The following MLH3 variants were observed in gnomAD, a reference collection of about 807,000 sequenced individuals.
MLH3 encodes mutL homolog 3, also known as DNA mismatch repair protein Mlh3.
Under a neutral mutation model 122.2 loss-of-function variants are expected in MLH3, and 82 were observed. The ratio of observed to expected loss-of-function variants is 0.67; its 90% confidence interval spans 0.56 to 0.81. MLH3 has a LOEUF of 0.81. Ranked by LOEUF, MLH3 falls within the 30% of genes least tolerant of loss-of-function variation. The probability of loss-of-function intolerance (pLI) is 0.00; values close to 1 mark genes in which losing one functional copy is unlikely to be tolerated. For synonymous variants in MLH3, 524 were observed against 599.5 expected (o/e 0.87, Z 1.84); for missense variants, 1,539 against 1,714.5 (o/e 0.90, Z 1.81).
Position 75,047,914 on chromosome 14 carries a change from T to G in MLH3, c.1742A>C (p.Lys581Thr). 6.2e-7 allele frequency: 1 copy of G among 1,613,842 alleles called. No individual in the cohort carries two copies. Among genetic ancestry groups the G allele is most frequent in the Non-Finnish European group, 8.5e-7 (1 of 1,179,956 alleles). Reference protein sequence around the residue: ...LWGVHSAQTEKEKKKESSNCG... With the variant: ...LWGVHSAQTETEKKKESSNCG... Reference sequence around the variant, plus strand: ...ATTGCTAGATTCTTTTTTTTTCTCTTTCTCTGTCTGAGCACTATGTACTCC... The same window carrying G: ...ATTGCTAGATTCTTTTTTTTTCTCTGTCTCTGTCTGAGCACTATGTACTCC... Residue 581 changes from lysine (K) to threonine (T), a missense_variant, in exon 2 of 13, where the codon AAA becomes ACA. By Grantham distance (78) the Lys-to-Thr change is moderately conservative. Coordinates refer to ENST00000355774, the MANE Select transcript of MLH3 (RefSeq NM_001040108.2).
At chr14:75,030,723 G>C (rs1470368064) in intron 8 of MLH3, 21 bp from the exon 9 acceptor site, 3 of 1,584,772 alleles carry the variant, frequency 1.9e-6, no homozygotes, top group Non-Finnish European at 2.6e-6. Flanking sequence ...AACCTCAAAT[G>C]TTAAAAAAAA....
chr14:75,027,853 G>A (rs1279502004), intron 9 of MLH3, among the ~76,000 whole-genome samples: 1 of 151,910 alleles, frequency 6.6e-6, no homozygotes, highest in Non-Finnish European at 1.5e-5. Flanking sequence ...CAACATGGAA[G>A]ATGGGAGGAG....
Position 75,042,375 on chromosome 14 carries a change from T to G in MLH3, c.3379+4A>C, listed in dbSNP as rs1309915500. The G allele has an allele frequency of 1.2e-6, 2 of 1,613,380 alleles. No homozygotes were observed. The highest frequency in any genetic ancestry group is 1.7e-6 in the Non-Finnish European group (2 of 1,179,298). The stretch of plus-strand genomic sequence containing the variant: ...TGTGCCCCAGCACTCTCTGCCACCC[T>G]TACCTCTGTTATCCTGTCTCATCAC... On this transcript the variant is annotated splice_donor_region_variant and intron_variant, in intron 3 of 12. Transcript: ENST00000355774.
rs146544668 is a variant in MLH3, at chr14:75,021,124, G to A, written c.4090+1690C>T. Among the ~76,000 whole-genome samples the A allele has an allele frequency of 8.2e-3, 1,253 of 152,324 alleles. 22 individuals are homozygous for A. The highest frequency in any genetic ancestry group is 0.028 in the African/African-American group (1,149 of 41,568). ...ACTCCTGACCTCAGGTGATCCATCC[G>A]CCTTGGTCTCCCAAAGTGCTGGGAT... On this transcript the variant is annotated intron_variant, in intron 11 of 12. Transcript: ENST00000355774.
In MLH3 at chr14:75,042,849, T is replaced by C. The variant is rs542367489; in HGVS notation, c.3281-372A>G. Among the ~76,000 whole-genome samples the C allele has an allele frequency of 5.3e-5, 8 of 151,956 alleles. No homozygotes were observed. The South Asian group carries it at 1.5e-3, about 28-fold the overall frequency. On this transcript the variant is annotated intron_variant, in intron 2 of 12. Coordinates refer to ENST00000355774, the MANE Select transcript of MLH3 (RefSeq NM_001040108.2). ...GGAGTACAGTGGCGTGATCTCGGCT[T>C]ACTGCAACTTCCGCCTCCCGGGTTC...
Position 75,048,069 on chromosome 14 carries a change from T to C in MLH3, c.1587A>G (p.Lys529=). The change falls in exon 2 of 13, where the codon AAA becomes AAG. Residue 529 remains lysine (K), a synonymous_variant. Coordinates refer to ENST00000355774, the MANE Select transcript of MLH3 (RefSeq NM_001040108.2). ...CCATGCCATTAACAGTAGTACTTTC[T>C]TTCCATATTTCTAGATCCTGCCCAC... ...EESGQDLEIW[K]ESTTVNGMAA... is the part of the protein sequence containing the mutation. The C allele has an allele frequency of 1.2e-6, 2 of 1,614,106 alleles. No individual in the cohort carries two copies. The highest frequency in any genetic ancestry group is 1.7e-6 in the Non-Finnish European group (2 of 1,180,004).
intron 6 of MLH3, chr14:75,036,709 C>T: frequency 2.2e-6 from 1 of 456,116 alleles, no homozygotes; most frequent in Non-Finnish European, 4.4e-6. Context: ...TCTGCTCTGC[C>T]TGCAACACGG....
intron 12 of MLH3, 136 bp from the exon 13 acceptor site, chr14:75,017,337 G>C: frequency 1.2e-6 from 1 of 823,334 alleles, no homozygotes; most frequent in South Asian, 1.4e-5. Context: ...AGGAGTTTGA[G>C]ACCAGCCTGG....
intron 2 of MLH3, among the ~76,000 whole-genome samples, chr14:75,042,939 C>T (rs28891997): frequency 0.018 from 2,702 of 152,236 alleles, 89 homozygotes; most frequent in African/African-American, 0.063. Context: ...CCACACCCGG[C>T]TAATTTTTTT....
At chr14:75,035,350 C>T (rs150556010) in intron 6 of MLH3, among the ~76,000 whole-genome samples, 11 of 151,798 alleles carry the variant, frequency 7.2e-5, no homozygotes, top group South Asian at 4.2e-4. Flanking sequence ...GGAGAAACCC[C>T]GTCTCTACTA....
intron 3 of MLH3, 140 bp downstream of exon 3, chr14:75,042,239 T>G (rs1891903973): frequency 5.2e-6 from 4 of 769,174 alleles, no homozygotes; most frequent in Non-Finnish European, 9.2e-6. Flanking sequence ...TTAGTTCCGC[T>G]GTTAAACAGG....
intron 9 of MLH3, among the ~76,000 whole-genome samples, chr14:75,027,664 TAAAAAAAA>T (rs56986784): frequency 4.9e-4 from 15 of 30,900 alleles, no homozygotes; most frequent in African/African-American, 1.6e-3. Context: ...TTTACTTCAG[TAAAAAAAA>T]AAAAAAAAAA....
rs1192091771 is a variant in MLH3, at chr14:75,014,708, C to T, written c.*2374G>A. 1 of 201,882 alleles carries T rather than the reference C, an allele frequency of 5.0e-6. No homozygotes were observed. The highest frequency in any genetic ancestry group is 1.0e-5 in the Non-Finnish European group (1 of 97,946). 12.5% of individuals were successfully genotyped at this position (201,882 alleles called of 1,614,324 possible). On this transcript the variant is annotated 3_prime_UTR_variant, in exon 13 of 13. Coordinates refer to ENST00000355774, the MANE Select transcript of MLH3 (RefSeq NM_001040108.2). ...AGAATGGCTGCATTTTACATCTCAT[C>T]TCTCAAGTTTTACTCTGAAGTTACT...
intron 9 of MLH3, among the ~76,000 whole-genome samples, chr14:75,026,984 A>C (rs1325416702): frequency 6.6e-6 from 1 of 152,056 alleles, no homozygotes; most frequent in African/African-American, 2.4e-5. Flanking sequence ...CTGTAATCCC[A>C]GCTACTTTGT....
chr14:75,043,612 A>G (rs1040971635), intron 2 of MLH3, among the ~76,000 whole-genome samples: 5 of 152,268 alleles, frequency 3.3e-5, no homozygotes, highest in African/African-American at 1.2e-4. Context: ...AAAACATGAG[A>G]GATAAATCTG....
intron 9 of MLH3, among the ~76,000 whole-genome samples, chr14:75,028,344 T>G (rs1890794197): frequency 6.6e-6 from 1 of 152,130 alleles, no homozygotes; most frequent in African/African-American, 2.4e-5. Flanking sequence ...ATTTTATGAT[T>G]TGACCTTGAC....
chr14:75,024,336 G>T (rs1446324789), intron 9 of MLH3, among the ~76,000 whole-genome samples: 1 of 150,974 alleles, frequency 6.6e-6, no homozygotes, highest in Non-Finnish European at 1.5e-5. Flanking sequence ...TGAGTAGCTG[G>T]GATTACAATC....
intron 6 of MLH3, 90 bp from the exon 7 acceptor site, chr14:75,033,580 A>G: frequency 2.2e-6 from 2 of 910,276 alleles, no homozygotes; most frequent in Non-Finnish European, 3.7e-6. Flanking sequence ...AATTCAAACT[A>G]TCTAACAACA....
rs368866849 is a variant in MLH3 at position 75,017,120 on chromosome 14, T to C, written c.4324A>G (p.Ser1442Gly). Reference sequence around the variant, plus strand: ...CAGGGAGGCATGGATTGCTGCAGGCTCTGCCTTGTATCACACTCTGCTTTT... The same window carrying C: ...CAGGGAGGCATGGATTGCTGCAGGCCCTGCCTTGTATCACACTCTGCTTTT... ...FGKAECDTRQ[S>G]LQQSMPPCEP... The change falls in exon 13 of 13, where the codon AGC becomes GGC. Residue 1442 changes from serine (S) to glycine (G), a missense_variant. Coordinates refer to ENST00000355774, the MANE Select transcript of MLH3 (RefSeq NM_001040108.2). 1.2e-6 allele frequency: 2 copies of C among 1,613,670 alleles called. No individual in the cohort carries two copies. The highest frequency in any genetic ancestry group is 2.2e-5 in the East Asian group (1 of 44,884).
Sources: gnomAD v4.1 joint callset for allele counts (sites outside exome capture counted in the v4.1 genomes callset) on GRCh38, gnomAD v4.1.1 for gene constraint, MANE v1.5 for transcripts, NCBI Gene and HGNC (gene_info 2026-07-23, HGNC 2026-07-21) for gene names.